Variants in PHF24 observed in about 807,000 individuals in gnomAD.
PHF24 encodes the protein PHD finger protein 24.
Under a neutral mutation model 42.6 loss-of-function variants are expected in PHF24, and 25 were observed. The ratio of observed to expected loss-of-function variants is 0.59; its 90% CI spans 0.43 to 0.82. The LOEUF (loss-of-function observed/expected upper bound fraction) is 0.82. Among genes scored for constraint, PHF24 ranks in the 40% least tolerant of loss-of-function variants. The pLI is 0.00. For synonymous variants in PHF24, 185 were observed against 204.8 expected (o/e 0.90, Z 0.83); for missense variants, 470 against 538.1 (o/e 0.87, Z 1.25).
the PHF24 span, among the ~76,000 whole-genome samples, chr9:34,896,514 A>G: frequency 6.6e-6 from 1 of 152,184 alleles, no homozygotes. Flanking sequence ...TTTTTCCAGA[A>G]TTGCCTCTAC....
chr9:34,927,158 C>A, the PHF24 span, among the ~76,000 whole-genome samples: 3 of 152,132 alleles, frequency 2.0e-5, no homozygotes, highest in Admixed American at 2.0e-4. Flanking sequence ...TGGCCCTGGG[C>A]AGGACTGGCA....
chr9:34,907,121 T>TG, the PHF24 span, among the ~76,000 whole-genome samples: 1 of 152,220 alleles, frequency 6.6e-6, no homozygotes, highest in Non-Finnish European at 1.5e-5. Flanking sequence ...GCCACTTTGC[T>TG]GATCCAGATT....
the PHF24 span, among the ~76,000 whole-genome samples, chr9:34,899,334 A>C: frequency 6.6e-6 from 1 of 152,172 alleles, no homozygotes; most frequent in Non-Finnish European, 1.5e-5. Flanking sequence ...CAGAGCCACA[A>C]TGATTGCAAT....
At chr9:34,898,346 T>A in the PHF24 span, among the ~76,000 whole-genome samples, 1 of 152,234 alleles carries the variant, frequency 6.6e-6, no homozygotes, top group East Asian at 1.9e-4. Context: ...ACTGTTTTTT[T>A]ATTTTTTGAT....
At chr9:34,890,691 T>C in the PHF24 span, among the ~76,000 whole-genome samples, 1 of 152,234 alleles carries the variant, frequency 6.6e-6, no homozygotes, top group Admixed American at 6.5e-5. Flanking sequence ...TGTGTGGAGA[T>C]ATTCTTTGGG....
chr9:34,944,991 T>C, the PHF24 span, among the ~76,000 whole-genome samples: 1 of 152,148 alleles, frequency 6.6e-6, no homozygotes, highest in African/African-American at 2.4e-5. Context: ...CTGATTCTCA[T>C]TATCCCTCTG....
the PHF24 span, among the ~76,000 whole-genome samples, chr9:34,838,955 A>G: frequency 2.6e-5 from 4 of 152,192 alleles, no homozygotes; most frequent in African/African-American, 9.7e-5. Flanking sequence ...TAGGGAGGGC[A>G]GAGTCTGGTT....
the PHF24 span, chr9:34,709,548 C>T: frequency 9.3e-6 from 15 of 1,614,170 alleles, no homozygotes; most frequent in African/African-American, 1.3e-5. Context: ...CTTGGAGGCC[C>T]CCCTGTCCTT....
the PHF24 span, among the ~76,000 whole-genome samples, chr9:34,671,642 A>G: frequency 6.6e-6 from 1 of 152,218 alleles, no homozygotes; most frequent in African/African-American, 2.4e-5. Flanking sequence ...ATTCCAAGTG[A>G]GAAAGGGAGG....
chr9:34,754,496 T>A, the PHF24 span, among the ~76,000 whole-genome samples: 1 of 152,056 alleles, frequency 6.6e-6, no homozygotes, highest in East Asian at 1.9e-4. Flanking sequence ...TGAAAATCAC[T>A]ACAATGAGAT....
the PHF24 span, chr9:34,895,594 G>A: frequency 3.0e-5 from 12 of 398,800 alleles, no homozygotes; most frequent in Non-Finnish European, 4.9e-5. Context: ...AACAGCTCCT[G>A]TTAGGTACCA....
chr9:34,779,333 T>C, the PHF24 span, among the ~76,000 whole-genome samples: 5 of 152,110 alleles, frequency 3.3e-5, no homozygotes, highest in East Asian at 5.8e-4. Flanking sequence ...AAATTAGTAA[T>C]TAAGAAGCTT....
At chr9:34,691,878 C>G in the PHF24 span, among the ~76,000 whole-genome samples, 2 of 152,206 alleles carry the variant, frequency 1.3e-5, no homozygotes, top group South Asian at 4.1e-4. Flanking sequence ...TCCCCTTCCT[C>G]TATTTACTGT....
chr9:34,917,815 T>C, the PHF24 span: 7 of 1,399,648 alleles, frequency 5.0e-6, no homozygotes, highest in Non-Finnish European at 7.1e-6. Flanking sequence ...GGAATCAGCA[T>C]GGGAGATCAT....
the PHF24 span, among the ~76,000 whole-genome samples, chr9:34,801,225 G>T: frequency 6.6e-6 from 1 of 152,092 alleles, no homozygotes; most frequent in Non-Finnish European, 1.5e-5. Context: ...AACCATTGTG[G>T]AAGACAGTGT....
the PHF24 span, among the ~76,000 whole-genome samples, chr9:34,811,605 T>C: frequency 2.0e-5 from 3 of 152,176 alleles, no homozygotes; most frequent in Admixed American, 6.5e-5. Flanking sequence ...TGTTCTGTTA[T>C]AGCAGCACAA....
At chr9:34,689,988 G>C in the PHF24 span, 2 of 1,614,124 alleles carry the variant, frequency 1.2e-6, no homozygotes, top group Non-Finnish European at 1.7e-6. The surrounding 1 kb of genome is among the most constrained non-coding windows in gnomAD (Gnocchi z 4.1). Flanking sequence ...CTGGTCTGGG[G>C]GTGCACAGAG....
chr9:34,697,889 T>G, the PHF24 span, among the ~76,000 whole-genome samples: 1 of 152,296 alleles, frequency 6.6e-6, no homozygotes, highest in South Asian at 2.1e-4. Flanking sequence ...GGCAGGCTTA[T>G]TTCAAGGTGA....
upstream of PHF24, among the ~76,000 whole-genome samples, chr9:34,956,451 G>C (rs972034216): frequency 6.6e-6 from 1 of 152,164 alleles, no homozygotes; most frequent in Non-Finnish European, 1.5e-5. Context: ...GTAGAGGTGG[G>C]GTTTCACTAT....
Sources: allele counts gnomAD v4.1 joint callset (sites outside exome capture counted in the v4.1 genomes callset), GRCh38; gene constraint gnomAD v4.1.1; non-coding constraint Gnocchi (gnomAD v3.1); transcripts MANE v1.5; gene names NCBI Gene and HGNC (gene_info 2026-07-23, HGNC 2026-07-21).